Variants in CMTM7 observed in about 807,000 individuals in gnomAD.
The protein encoded by CMTM7 is CKLF like MARVEL transmembrane domain containing 7, also known as CKLF-like MARVEL transmembrane domain-containing protein 7.
Under a neutral mutation model 19.3 loss-of-function variants are expected in CMTM7, and 7 were observed. The ratio of observed to expected loss-of-function variants is 0.36; its 90% CI spans 0.21 to 0.68. The LOEUF (loss-of-function observed/expected upper bound fraction) is 0.68, where lower values mean the gene tolerates loss of function less well. Among genes scored for constraint, CMTM7 ranks in the 30% least tolerant of loss-of-function variants. The probability of loss-of-function intolerance (pLI) is 0.60; values close to 1 mark genes in which losing one functional copy is unlikely to be tolerated. For synonymous variants in CMTM7, 87 were observed against 99.3 expected, an observed-to-expected ratio of 0.88 and a Z score of 0.74; for missense variants, 193 against 232.6, an observed-to-expected ratio of 0.83 and a Z score of 1.11.
At chr3:32,408,615 A>T (rs1488843800) in intron 1 of CMTM7, among the ~76,000 whole-genome samples, 5 of 152,206 alleles carry the variant, frequency 3.3e-5, no homozygotes, top group African/African-American at 1.2e-4. Flanking sequence ...GGGGCAAAAG[A>T]TGGAAAGGAC....
intron 1 of CMTM7, among the ~76,000 whole-genome samples, chr3:32,408,808 C>G (rs1004329468): frequency 6.6e-6 from 1 of 152,028 alleles, no homozygotes; most frequent in African/African-American, 2.4e-5. Flanking sequence ...TAATCTAGTA[C>G]TTGTGAATTG....
At chr3:32,397,627 G>A (rs866480842) in intron 1 of CMTM7, among the ~76,000 whole-genome samples, 7 of 152,018 alleles carry the variant, frequency 4.6e-5, no homozygotes, top group African/African-American at 7.3e-5. Context: ...CCAGCTACTC[G>A]GGAGGCTGAG....
intron 1 of CMTM7, among the ~76,000 whole-genome samples, chr3:32,430,057 T>C (rs527914882): frequency 2.0e-5 from 3 of 152,332 alleles, no homozygotes; most frequent in Admixed American, 6.5e-5. Flanking sequence ...TGCCATGTTA[T>C]TGTTTAACAG....
chr3:32,437,975 C>T (rs1024675467), intron 1 of CMTM7, among the ~76,000 whole-genome samples: 4 of 152,026 alleles, frequency 2.6e-5, no homozygotes, highest in African/African-American at 9.7e-5. Flanking sequence ...AAGAACAAAC[C>T]GTTACGAGAG....
chr3:32,412,429 G>A (rs1696190483), intron 1 of CMTM7, among the ~76,000 whole-genome samples: 1 of 151,334 alleles, frequency 6.6e-6, no homozygotes, highest in South Asian at 2.1e-4. Context: ...AGAGGTTGCA[G>A]CGAGCTGAGA....
At chr3:32,450,971 A>G (rs1481400737) in intron 3 of CMTM7, 1 of 152,256 alleles carries the variant, frequency 6.6e-6, no homozygotes, top group Non-Finnish European at 1.5e-5. Flanking sequence ...AAGACACATG[A>G]AACAATTAGT....
intron 2 of CMTM7, among the ~76,000 whole-genome samples, chr3:32,443,512 T>A (rs1428660800): frequency 6.6e-6 from 1 of 152,246 alleles, no homozygotes; most frequent in Non-Finnish European, 1.5e-5. Context: ...CTATTATGAA[T>A]AATGCTGCTA....
chr3:32,443,121 CAG>C (rs1696704814), intron 2 of CMTM7, among the ~76,000 whole-genome samples: 1 of 152,008 alleles, frequency 6.6e-6, no homozygotes, highest in Non-Finnish European at 1.5e-5. Context: ...TTTTTAGAGA[CAG>C]GGTCTCACTC....
At chr3:32,430,558 C>G (rs1455713547) in intron 1 of CMTM7, among the ~76,000 whole-genome samples, 3 of 152,152 alleles carry the variant, frequency 2.0e-5, no homozygotes, top group Non-Finnish European at 4.4e-5. Context: ...GCTGTGTGCA[C>G]TTAAGGTCAG....
intron 1 of CMTM7, among the ~76,000 whole-genome samples, chr3:32,425,187 C>T (rs913763875): frequency 2.0e-5 from 3 of 152,138 alleles, no homozygotes; most frequent in East Asian, 3.8e-4. Context: ...TTTGACAGCC[C>T]TATGCCTGGC....
At chr3:32,419,584 G>C (rs1449881409) in intron 1 of CMTM7, among the ~76,000 whole-genome samples, 2 of 144,670 alleles carry the variant, frequency 1.4e-5, no homozygotes. Flanking sequence ...GTTTAATCAT[G>C]ACTGGATATT....
chr3:32,443,342 A>G (rs971605268), intron 2 of CMTM7, among the ~76,000 whole-genome samples: 5 of 151,880 alleles, frequency 3.3e-5, no homozygotes, highest in Admixed American at 6.6e-5. Context: ...GGCCTTAAGC[A>G]ATCCTCCCAC....
intron 1 of CMTM7, among the ~76,000 whole-genome samples, chr3:32,416,924 A>C (rs968237926): frequency 4.6e-5 from 7 of 152,120 alleles, no homozygotes; most frequent in African/African-American, 1.4e-4. Flanking sequence ...TCACAATCTA[A>C]CTGTCATTCC....
At chr3:32,421,872 G>T (rs1696348954) in intron 1 of CMTM7, among the ~76,000 whole-genome samples, 1 of 152,124 alleles carries the variant, frequency 6.6e-6, no homozygotes, top group South Asian at 2.1e-4. Flanking sequence ...TAAATATTTT[G>T]CCTGAATTAG....
intron 1 of CMTM7, among the ~76,000 whole-genome samples, chr3:32,415,004 T>G (rs1696238469): frequency 6.6e-6 from 1 of 152,092 alleles, no homozygotes. Context: ...GCCTCTCTTC[T>G]GTAGAGGCCA....
At chr3:32,397,780 T>C (rs1695940559) in intron 1 of CMTM7, among the ~76,000 whole-genome samples, 1 of 151,992 alleles carries the variant, frequency 6.6e-6, no homozygotes, top group South Asian at 2.1e-4. Context: ...ATAAACATCA[T>C]GTGACCAAGA....
chr3:32,399,302 T>G (rs978962527), intron 1 of CMTM7, among the ~76,000 whole-genome samples: 2 of 151,356 alleles, frequency 1.3e-5, no homozygotes, highest in East Asian at 3.9e-4. Flanking sequence ...ATTAGGGTTA[T>G]ATTACATATA....
At chr3:32,415,170 G>A (rs1438409550) in intron 1 of CMTM7, among the ~76,000 whole-genome samples, 2 of 151,824 alleles carry the variant, frequency 1.3e-5, no homozygotes, top group Non-Finnish European at 2.9e-5. Context: ...CTCCAGCCTG[G>A]GTGACAGAGC....
At chr3:32,419,767 A>T (rs147067290) in intron 1 of CMTM7, among the ~76,000 whole-genome samples, 59 of 152,300 alleles carry the variant, frequency 3.9e-4, no homozygotes, top group African/African-American at 1.2e-3. Context: ...TATATGTTGG[A>T]TATGATATGC....
Sources: allele counts gnomAD v4.1 joint callset (sites outside exome capture counted in the v4.1 genomes callset), GRCh38; gene constraint gnomAD v4.1.1; transcripts MANE v1.5; gene names NCBI Gene and HGNC (gene_info 2026-07-23, HGNC 2026-07-21).